Variants in CDH12 observed in about 807,000 individuals in gnomAD.
CDH12 encodes cadherin 12.
Under a neutral mutation model 74.1 loss-of-function variants are expected in CDH12, and 41 were observed. The ratio of observed to expected loss-of-function variants is 0.55; its 90% CI spans 0.43 to 0.72. The LOEUF (loss-of-function observed/expected upper bound fraction) is 0.72, where lower values mean the gene tolerates loss of function less well. Among genes scored for constraint, CDH12 ranks in the 30% least tolerant of loss-of-function variants. CDH12 has a pLI of 0.00. For missense variants in CDH12, 945 were observed against 977.2 expected (o/e 0.97, Z 0.44); for synonymous variants, 399 against 355.0 (o/e 1.12, Z -1.39).
At chr5:22,387,925 G>C (rs545407108) in intron 3 of CDH12, among the ~76,000 whole-genome samples, 1 of 152,164 alleles carries the variant, frequency 6.6e-6, no homozygotes, top group African/African-American at 2.4e-5. Flanking sequence ...ATATGAACTA[G>C]AGATTGTCAC....
intron 3 of CDH12, among the ~76,000 whole-genome samples, chr5:22,315,788 G>A (rs1464823745): frequency 6.6e-6 from 1 of 152,164 alleles, no homozygotes; most frequent in Non-Finnish European, 1.5e-5. Context: ...GAACAGGAGA[G>A]TAATAAAAGA....
At position 21,931,569 on chromosome 5, in the gene CDH12, C is replaced by T. The variant is rs762891918; in HGVS notation, c.526+43522G>A. Among the ~76,000 whole-genome samples the T allele has an allele frequency of 4.5e-4, 68 of 152,050 alleles. 1 individual carries two copies. The highest frequency in any genetic ancestry group is 3.2e-4 in the Non-Finnish European group (22 of 68,006). On this transcript the variant is annotated intron_variant, in intron 6 of 14. Coordinates refer to ENST00000382254, the MANE Select transcript of CDH12 (RefSeq NM_004061.5). Reference sequence around the variant, plus strand: ...TTTTTCAATGCATAATAAATCTGCCCAAGAATAACTGACTTTCAGGTTAAC... The same window carrying T: ...TTTTTCAATGCATAATAAATCTGCCTAAGAATAACTGACTTTCAGGTTAAC...
intron 3 of CDH12, among the ~76,000 whole-genome samples, chr5:22,230,392 T>C (rs746580507): frequency 3.9e-5 from 6 of 152,076 alleles, no homozygotes; most frequent in Non-Finnish European, 7.4e-5. Context: ...TTCTCACCAC[T>C]GCCATTCACA....
intron 3 of CDH12, among the ~76,000 whole-genome samples, chr5:22,229,263 G>C (rs1343808012): frequency 6.6e-6 from 1 of 150,914 alleles, no homozygotes; most frequent in Non-Finnish European, 1.5e-5. Flanking sequence ...TTTTGGAGTA[G>C]AGATGGATAC....
At chr5:22,259,920 G>T (rs903863620) in intron 3 of CDH12, among the ~76,000 whole-genome samples, 6 of 151,880 alleles carry the variant, frequency 4.0e-5, no homozygotes, top group Admixed American at 1.3e-4. Flanking sequence ...AGACCCTAAA[G>T]GTGAGCAGTG....
At chr5:22,356,777 T>A (rs1332892037) in intron 3 of CDH12, among the ~76,000 whole-genome samples, 1 of 152,114 alleles carries the variant, frequency 6.6e-6, no homozygotes, top group African/African-American at 2.4e-5. Flanking sequence ...GGCTCGGATC[T>A]CAAGGACCAA....
chr5:22,750,366 G>T (rs1486398751), intron 1 of CDH12, among the ~76,000 whole-genome samples: 1 of 152,136 alleles, frequency 6.6e-6, no homozygotes, highest in Non-Finnish European at 1.5e-5. Flanking sequence ...AACCTTGGGT[G>T]TAACTTCATC....
rs368471278 is a variant in CDH12, at chr5:22,566,294, G to T, written c.-522-60930C>A. Among the ~76,000 whole-genome samples, 42 of 150,044 alleles carry T rather than the reference G, an allele frequency of 2.8e-4. No homozygotes were observed. The East Asian group carries it at 3.1e-3, about 11-fold the overall frequency. ...ACTCTGTTGCTGAGGCTGGAGTGCA[G>T]TGGCACAATCTCCACTCACTGCAAC... is the stretch of plus-strand genomic sequence containing the variant. On this transcript the variant is annotated intron_variant, in intron 1 of 14. Coordinates refer to ENST00000382254, the MANE Select transcript of CDH12 (RefSeq NM_004061.5).
rs74494831 is a variant in CDH12, at chr5:22,265,603, T to C, written c.-332-52960A>G. ...CAATATATTCATTGAAGTGTATTTA[T>C]TTTAGAAGTCATCAGTTGTAGATAA... On this transcript the variant is annotated intron_variant, in intron 3 of 14. Transcript: ENST00000382254. Among the ~76,000 whole-genome samples the C allele has an allele frequency of 3.3e-3, 508 of 152,252 alleles. 1 individual carries two copies. The highest frequency in any genetic ancestry group is 0.012 in the African/African-American group (481 of 41,564).
At chr5:22,664,733 G>A (rs981563035) in intron 1 of CDH12, among the ~76,000 whole-genome samples, 1 of 152,038 alleles carries the variant, frequency 6.6e-6, no homozygotes, top group African/African-American at 2.4e-5. Context: ...TTCTACATAT[G>A]GGAAAATCAA....
intron 2 of CDH12, among the ~76,000 whole-genome samples, chr5:22,408,246 T>A (rs1743021098): frequency 8.1e-6 from 1 of 124,116 alleles, no homozygotes; most frequent in African/African-American, 2.8e-5. Context: ...AGTCAAGAAA[T>A]CATAGATAGA....
chr5:21,844,167 A>G (rs1284375042), intron 7 of CDH12, among the ~76,000 whole-genome samples: 1 of 152,140 alleles, frequency 6.6e-6, no homozygotes. Flanking sequence ...AGATGCAAAG[A>G]TCGTCTTTTC....
chr5:22,240,636 T>C (rs1482012155), intron 3 of CDH12, among the ~76,000 whole-genome samples: 4 of 152,156 alleles, frequency 2.6e-5, no homozygotes, highest in African/African-American at 4.8e-5. Context: ...CAGCTTCAAC[T>C]GATTCTCCAG....
intron 2 of CDH12, among the ~76,000 whole-genome samples, chr5:22,464,149 C>G (rs1354079620): frequency 6.6e-6 from 1 of 152,190 alleles, no homozygotes; most frequent in African/African-American, 2.4e-5. Flanking sequence ...CCTGCACAAG[C>G]TCTGTCTTCT....
chr5:21,857,408 G>A (rs9292996), intron 6 of CDH12, among the ~76,000 whole-genome samples: 20,200 of 151,738 alleles, frequency 0.13, 1,486 homozygotes, highest in African/African-American at 0.2. Context: ...TGTATAAGTG[G>A]TCAGGGCCAG....
intron 6 of CDH12, among the ~76,000 whole-genome samples, chr5:21,871,944 C>G (rs913305446): frequency 6.6e-6 from 1 of 151,908 alleles, no homozygotes; most frequent in African/African-American, 2.4e-5. Flanking sequence ...AAAATGCCAA[C>G]AAGTAGATAA....
intron 4 of CDH12, among the ~76,000 whole-genome samples, chr5:22,102,384 C>T (rs568603865): frequency 1.3e-5 from 2 of 152,152 alleles, no homozygotes; most frequent in East Asian, 1.9e-4. Context: ...AACGTAATCC[C>T]CTGGCAGGGC....
chr5:21,936,633 C>T (rs1363180402), intron 6 of CDH12, among the ~76,000 whole-genome samples: 3 of 152,064 alleles, frequency 2.0e-5, no homozygotes, highest in South Asian at 2.1e-4. Flanking sequence ...ATCTACTTTG[C>T]GTTGTAAGGA....
intron 3 of CDH12, among the ~76,000 whole-genome samples, chr5:22,267,760 G>A (rs1394681464): frequency 1.3e-5 from 2 of 152,066 alleles, no homozygotes; most frequent in Non-Finnish European, 2.9e-5. Context: ...GTAGTAAGAA[G>A]TGAAGGCTTT....
Sources: gnomAD v4.1 joint callset for allele counts (sites outside exome capture counted in the v4.1 genomes callset) on GRCh38, gnomAD v4.1.1 for gene constraint, MANE v1.5 for transcripts, NCBI Gene and HGNC (gene_info 2026-07-23, HGNC 2026-07-21) for gene names.